The following HPS3 variants were observed in gnomAD, a reference collection of about 807,000 sequenced individuals.
HPS3 encodes BLOC-2 complex member HPS3.
Under a neutral mutation model 110.9 loss-of-function variants are expected in HPS3, and 79 were observed. That is an observed-to-expected ratio of 0.71 (90% CI 0.59 to 0.86). HPS3 has a LOEUF of 0.86. HPS3 is among the 40% of genes least tolerant of loss of function. The pLI is 0.00. For synonymous variants in HPS3, 428 were observed against 451.0 expected, an observed-to-expected ratio of 0.95 and a Z score of 0.65; for missense variants, 1,197 against 1,206.2, an observed-to-expected ratio of 0.99 and a Z score of 0.11.
intron 16 of HPS3, 62 bp downstream of exon 16, chr3:149,168,045 C>A (rs1017257916): frequency 6.2e-6 from 6 of 965,222 alleles, no homozygotes; most frequent in South Asian, 1.3e-5. Context: ...TTTGGTGAAG[C>A]CTTCTTAAGT....
Position 149,153,545 on chromosome 3 carries a change from A to G in HPS3, c.1297A>G (p.Ile433Val), listed in dbSNP as rs2108152660. 6.2e-7 allele frequency: 1 copy of G among 1,613,918 alleles called. No individual in the cohort carries two copies. Among genetic ancestry groups the G allele is most frequent in the East Asian group, 2.2e-5 (1 of 44,880 alleles). Residue 433 changes from isoleucine to valine, a missense_variant, in exon 7 of 17, where the codon ATA becomes GTA. Ile to Val is a conservative substitution (Grantham distance 29). Transcript: ENST00000296051. The part of the protein sequence containing the change: ...DVCALRIQLF[I>V]GLKAICHFKN... ...CTGTGCTTTAAGAATACAGCTTTTC[A>G]TAGGCTTGAAAGCCATCTGTCACTT...
In HPS3 at chr3:149,150,540, C is replaced by T; in HGVS notation, c.1164-59C>T. 3 of 1,362,704 alleles carry T rather than the reference C, an allele frequency of 2.2e-6. No individual in the cohort carries two copies. In the South Asian group the frequency reaches 3.5e-5, roughly 16 times the overall value. 84.4% of individuals were successfully genotyped at this position (1,362,704 alleles called of 1,614,324 possible). ...CTGTTTGCCTGTGAAACCCTCCCTG[C>T]TGTGGGTATGTTGGTTCTTGGCCTC... On this transcript the variant is annotated intron_variant, in intron 5 of 16. Transcript: ENST00000296051.
chr3:149,131,799 A>C (rs1173624301), intron 1 of HPS3, among the ~76,000 whole-genome samples: 1 of 152,220 alleles, frequency 6.6e-6, no homozygotes, highest in Non-Finnish European at 1.5e-5. Flanking sequence ...GGCCTCTTGG[A>C]CCAAACACTT....
At chr3:149,139,886 C>A in intron 1 of HPS3, 118 bp from the exon 2 acceptor site, 1 of 955,158 alleles carries the variant, frequency 1.0e-6, no homozygotes, top group Non-Finnish European at 1.6e-6. Context: ...GGGTTTTATT[C>A]TATTCAGTCT....
Position 149,140,097 on chromosome 3 carries a change from T to G in HPS3, c.311T>G (p.Val104Gly), listed in dbSNP as rs1722343505. Reference protein sequence around the residue: ...WRNKRTENSRVCIRMIGHNVE... With the variant: ...WRNKRTENSRGCIRMIGHNVE... ...AATAAAAGGACTGAAAACTCTCGTGTGTGTATCCGAATGATTGGGCATAAT... is the reference window on the plus strand; with the variant it reads ...AATAAAAGGACTGAAAACTCTCGTGGGTGTATCCGAATGATTGGGCATAAT... The change falls in exon 2 of 17, where the codon GTG becomes GGG. Residue 104 changes from valine (V) to glycine (G), a missense_variant. Physicochemically the swap from Val to Gly is moderately radical, Grantham distance 109. Transcript: ENST00000296051. The G allele has an allele frequency of 6.2e-7, 1 of 1,613,322 alleles. No homozygotes were observed. The highest frequency in any genetic ancestry group is 8.5e-7 in the Non-Finnish European group (1 of 1,179,670).
rs189669056 is a variant in HPS3, at chr3:149,171,398, C to T, written c.2888-697C>T. Among the ~76,000 whole-genome samples, 283 of 151,648 alleles carry T rather than the reference C, an allele frequency of 1.9e-3. 1 individual carries two copies. Among genetic ancestry groups the T allele is most frequent in the African/African-American group, 6.3e-3 (258 of 41,206 alleles). On this transcript the variant is annotated intron_variant, in intron 16 of 16. Transcript: ENST00000296051. Reference sequence around the variant, plus strand: ...TGAAATGTTACGTTAGGAACTAATACGGGAAAACATTGGTGTTTCTTATCC... The same window carrying T: ...TGAAATGTTACGTTAGGAACTAATATGGGAAAACATTGGTGTTTCTTATCC...
intron 5 of HPS3, 92 bp from the exon 6 acceptor site, chr3:149,150,507 C>A: frequency 1.2e-6 from 1 of 838,330 alleles, no homozygotes; most frequent in Non-Finnish European, 2.0e-6. Flanking sequence ...TCACCCCTGC[C>A]CATTGCCCTG....
chr3:149,159,462 C>T (rs1036548269), intron 10 of HPS3, among the ~76,000 whole-genome samples: 10 of 152,118 alleles, frequency 6.6e-5, no homozygotes, highest in African/African-American at 2.4e-4. Flanking sequence ...ACTCAGGAGG[C>T]TGAGGCAGGA....
In HPS3 at chr3:149,129,733, C is replaced by T. The variant is rs1343390851; in HGVS notation, c.10C>T (p.Leu4=). ...CCCGCCGGACGTCGGGATGGTGCAG[C>T]TGTACAACCTGCACCCGTTCGGGTC... is the stretch of plus-strand genomic sequence containing the variant. MVQ[L]YNLHPFGSQQ... Residue 4 remains leucine, a synonymous_variant, in exon 1 of 17, where the codon CTG becomes TTG. Transcript: ENST00000296051. 5 of 1,600,264 alleles carry T rather than the reference C, an allele frequency of 3.1e-6. No homozygotes were observed. Among genetic ancestry groups the T allele is most frequent in the Non-Finnish European group, 3.4e-6 (4 of 1,176,130 alleles).
rs1722361888 is a variant in HPS3 at position 149,140,302 on chromosome 3, A to G, written c.516A>G (p.Leu172=). Residue 172 remains leucine (L), a synonymous_variant, in exon 2 of 17, where the codon CTA becomes CTG. Coordinates refer to ENST00000296051, the MANE Select transcript of HPS3 (RefSeq NM_032383.5). ...AGATCATTAATGAGGAATTCTCACTATTGGACTTTGAACGTTCTTTAATTA... is the reference window on the plus strand; with the variant it reads ...AGATCATTAATGAGGAATTCTCACTGTTGGACTTTGAACGTTCTTTAATTA... ...KYQIINEEFS[L]LDFERSLIIH... 1 of 1,613,694 alleles carries G rather than the reference A, an allele frequency of 6.2e-7. No homozygotes were observed. Among genetic ancestry groups the G allele is most frequent in the East Asian group, 2.2e-5 (1 of 44,880 alleles).
In HPS3 at chr3:149,141,279, C is replaced by T; in HGVS notation, c.885-16C>T. 1 of 1,606,316 alleles carries T rather than the reference C, an allele frequency of 6.2e-7. No homozygotes were observed. The highest frequency in any genetic ancestry group is 8.5e-7 in the Non-Finnish European group (1 of 1,177,204). On this transcript the variant is annotated splice_polypyrimidine_tract_variant and intron_variant, in intron 3 of 16. Coordinates refer to ENST00000296051, the MANE Select transcript of HPS3 (RefSeq NM_032383.5). The stretch of plus-strand genomic sequence containing the variant: ...AAGTTATATTTTTCCCTTTCTCTGT[C>T]TTTTTAAACCCACAGACGTTTTGCT...
At chr3:149,158,414 A>G (rs1576686971) in intron 9 of HPS3, among the ~76,000 whole-genome samples, 1 of 152,354 alleles carries the variant, frequency 6.6e-6, no homozygotes, top group South Asian at 2.1e-4. Context: ...TAATGGCAGT[A>G]GAAAAGCATT....
At chr3:149,168,756 G>C (rs1430320138) in intron 16 of HPS3, among the ~76,000 whole-genome samples, 1 of 152,128 alleles carries the variant, frequency 6.6e-6, no homozygotes, top group East Asian at 1.9e-4. Context: ...CCGTCTCCCT[G>C]ATTGCTTTAG....
chr3:149,146,965 A>G (rs1298490847), intron 5 of HPS3, among the ~76,000 whole-genome samples: 2 of 152,200 alleles, frequency 1.3e-5, no homozygotes, highest in Non-Finnish European at 2.9e-5. Context: ...TGGAAGATGG[A>G]TTGAACATAG....
intron 7 of HPS3, 87 bp downstream of exon 7, chr3:149,153,735 A>G (rs1576682013): frequency 7.4e-7 from 1 of 1,343,436 alleles, no homozygotes; most frequent in Non-Finnish European, 1.1e-6. Context: ...TTTTCAAATC[A>G]TAACTTGGAA....
At chr3:149,153,783 G>A in intron 7 of HPS3, 135 bp downstream of exon 7, 1 of 882,646 alleles carries the variant, frequency 1.1e-6, no homozygotes, top group Non-Finnish European at 1.8e-6. Context: ...TTTTTCCAGA[G>A]AAAGAAAAGA....
intron 14 of HPS3, 127 bp from the exon 15 acceptor site, chr3:149,166,907 C>G (rs1724481142): frequency 2.6e-6 from 2 of 756,532 alleles, no homozygotes; most frequent in Non-Finnish European, 4.7e-6. Context: ...TGCATGTGCT[C>G]TAATATGGCA....
chr3:149,129,807 GGGGCGTGACGCGCTTTTCGTGGCGGC>G lies in HPS3; in HGVS notation c.89_114del (p.Arg30LeufsTer42), dbSNP rs1553750083. ...TGGAGCCGGACCGGTTCTGTGGCGG[GGGGCGTGACGCGCTTTTCGTGGCGGC>G]GGGCTGCAAGGTGGAGGCGTTCGCG... is the stretch of plus-strand genomic sequence containing the variant. On this transcript the variant is annotated frameshift_variant, in exon 1 of 17. Transcript: ENST00000296051. LOFTEE classifies it high-confidence loss of function. 3 of 1,607,374 alleles carry G rather than the reference GGGGCGTGACGCGCTTTTCGTGGCGGC, an allele frequency of 1.9e-6. No homozygotes were observed. Among genetic ancestry groups the G allele is most frequent in the East Asian group, 2.2e-5 (1 of 44,826 alleles).
chr3:149,160,675 C>A (rs1321925197), intron 11 of HPS3, among the ~76,000 whole-genome samples: 1 of 152,110 alleles, frequency 6.6e-6, no homozygotes, highest in African/African-American at 2.4e-5. Flanking sequence ...CTAGTAGTTG[C>A]AGAAATAGCC....
Sources: gnomAD v4.1 joint callset for allele counts (sites outside exome capture counted in the v4.1 genomes callset) on GRCh38, gnomAD v4.1.1 for gene constraint, MANE v1.5 for transcripts, NCBI Gene and HGNC (gene_info 2026-07-23, HGNC 2026-07-21) for gene names.